The following CD163L1 variants were observed in gnomAD, a reference collection of about 807,000 sequenced individuals.
CD163L1 encodes scavenger receptor cysteine-rich type 1 protein M160.
Under a neutral mutation model 165.4 loss-of-function variants are expected in CD163L1, and 124 were observed. The observed-to-expected ratio is 0.75, with a 90% CI of 0.65 to 0.87. CD163L1 has a LOEUF of 0.87. Ranked by LOEUF, CD163L1 falls within the 40% of genes least tolerant of loss-of-function variation. CD163L1 has a pLI of 0.00. For missense variants in CD163L1, 1,525 were observed against 1,799.9 expected (o/e 0.85, Z 2.76); for synonymous variants, 585 against 662.2 (o/e 0.88, Z 1.79).
the CD163L1 span, among the ~76,000 whole-genome samples, chr12:7,335,045 T>C: frequency 1.3e-5 from 2 of 152,040 alleles, no homozygotes; most frequent in Non-Finnish European, 2.9e-5. Flanking sequence ...AGAATCAATA[T>C]CATGAAAATG....
chr12:7,427,215 T>C (rs952748798), intron 4 of CD163L1, among the ~76,000 whole-genome samples: 1 of 152,104 alleles, frequency 6.6e-6, no homozygotes, highest in African/African-American at 2.4e-5. Flanking sequence ...CAGACATATA[T>C]GTAACATTCC....
intron 2 of CD163L1, among the ~76,000 whole-genome samples, chr12:7,437,126 A>T (rs762334214): frequency 5.6e-4 from 65 of 116,146 alleles, no homozygotes; most frequent in African/African-American, 2.4e-3. Flanking sequence ...ATATATTTTT[A>T]TTTATTTTAT....
intron 4 of CD163L1, among the ~76,000 whole-genome samples, chr12:7,414,721 GC>G (rs2136558650): frequency 6.6e-6 from 1 of 152,132 alleles, no homozygotes; most frequent in East Asian, 1.9e-4. Context: ...CAGAAAACTA[GC>G]CACATGCAAA....
Position 7,403,577 on chromosome 12 carries a change from G to C in CD163L1, c.1366C>G (p.Arg456Gly). 1 of 1,613,814 alleles carries C rather than the reference G, an allele frequency of 6.2e-7. No individual in the cohort carries two copies. The highest frequency in any genetic ancestry group is 8.5e-7 in the Non-Finnish European group (1 of 1,179,892). The change falls in exon 6 of 20, where the codon CGA becomes GGA. Residue 456 changes from arginine to glycine, a missense_variant. Coordinates refer to ENST00000313599, the MANE Select transcript of CD163L1 (RefSeq NM_174941.6). ...GCATCTGATCTTCGGAAGCATGTTC[G>C]CTTTGCTTTTCCATCATATGTGCAG... Reference protein sequence around the residue: ...WDCTYDGKAKRTCFRRSDAGV... With the variant: ...WDCTYDGKAKGTCFRRSDAGV...
In CD163L1 at chr12:7,441,266, C is replaced by T; in HGVS notation, c.32-20G>A. The T allele has an allele frequency of 6.4e-7, 1 of 1,574,390 alleles. No homozygotes were observed. On this transcript the variant is annotated intron_variant, in intron 1 of 19. Coordinates refer to ENST00000313599, the MANE Select transcript of CD163L1 (RefSeq NM_174941.6). ...CAAAATCTGGAGAAACAAAATATAG[C>T]AGGGTAGAATTTCATGTCTTTCTAA... is the stretch of plus-strand genomic sequence containing the variant.
chr12:7,320,940 A>G, the CD163L1 span: 5 of 799,138 alleles, frequency 6.3e-6, no homozygotes, highest in African/African-American at 1.7e-5. Flanking sequence ...GAATAATTCT[A>G]TCGTCGGAGG....
At chr12:7,349,570 G>A (rs1214132584) in intron 4 of CD163L1, among the ~76,000 whole-genome samples, 1 of 152,106 alleles carries the variant, frequency 6.6e-6, no homozygotes, top group Non-Finnish European at 1.5e-5. Context: ...GGGAAAGGTG[G>A]GAGAATGAAA....
At chr12:7,338,657 C>T in the CD163L1 span, among the ~76,000 whole-genome samples, 3 of 152,128 alleles carry the variant, frequency 2.0e-5, no homozygotes, top group Non-Finnish European at 4.4e-5. Context: ...TGGTCTACCC[C>T]GCTGATCTAG....
Position 7,398,503 on chromosome 12 carries a change from C to T in CD163L1, c.1490G>A (p.Trp497Ter). The T allele has an allele frequency of 6.2e-7, 1 of 1,613,854 alleles. No homozygotes were observed. The highest frequency in any genetic ancestry group is 1.3e-5 in the African/African-American group (1 of 75,020). Residue 497 changes from tryptophan (W) to a stop codon, truncating the protein, a stop_gained, in exon 7 of 20, where the codon TGG becomes TAG. Coordinates refer to ENST00000313599, the MANE Select transcript of CD163L1 (RefSeq NM_174941.6). LOFTEE classifies it high-confidence loss of function. The surrounding 1 kb of genome is among the most constrained non-coding windows in gnomAD (Gnocchi z 4.5). The stretch of plus-strand genomic sequence containing the variant: ...CCATCTGTCATGACACACAGTCCCC[C>T]ACTCTCCTTGGTATTTCACCTCCAA... ...GRLEVKYQGE[W>*]GTVCHDRWST...
chr12:7,339,946 A>C, the CD163L1 span, among the ~76,000 whole-genome samples: 22 of 152,272 alleles, frequency 1.4e-4, no homozygotes, highest in African/African-American at 5.1e-4. Context: ...AAACAGCCTG[A>C]GGAGACTGAA....
intron 4 of CD163L1, among the ~76,000 whole-genome samples, chr12:7,349,674 G>A (rs1183622975): frequency 6.6e-6 from 1 of 152,144 alleles, no homozygotes; most frequent in African/African-American, 2.4e-5. Context: ...CTTTGTAAGT[G>A]TATCCTCAGC....
chr12:7,324,465 G>A, the CD163L1 span: 1 of 1,613,924 alleles, frequency 6.2e-7, no homozygotes. Flanking sequence ...TAACTTGGAG[G>A]ATGTGGTGGT....
chr12:7,345,308 T>G (rs1430438148), downstream of CD163L1, among the ~76,000 whole-genome samples: 1 of 152,146 alleles, frequency 6.6e-6, no homozygotes, highest in Non-Finnish European at 1.5e-5. Context: ...GCTTAGAAAT[T>G]TCTTCCACCA....
intron 8 of CD163L1, among the ~76,000 whole-genome samples, chr12:7,388,546 C>A (rs935823646): frequency 6.6e-6 from 1 of 152,016 alleles, no homozygotes; most frequent in African/African-American, 2.4e-5. Flanking sequence ...AGATTGAGAC[C>A]AGCCTGGGCA....
At chr12:7,370,720 CT>C (rs1327643298) in intron 14 of CD163L1, among the ~76,000 whole-genome samples, 1 of 152,108 alleles carries the variant, frequency 6.6e-6, no homozygotes, top group African/African-American at 2.4e-5. Context: ...ACTCTTTTCT[CT>C]CTCTCATAGC....
At chr12:7,319,472 T>C in the CD163L1 span, among the ~76,000 whole-genome samples, 1 of 151,454 alleles carries the variant, frequency 6.6e-6, no homozygotes, top group Non-Finnish European at 1.5e-5. Flanking sequence ...GTGCCTGTAA[T>C]CCCAGCTACT....
chr12:7,373,240 T>C, intron 14 of CD163L1, 80 bp downstream of exon 14: 3 of 1,259,640 alleles, frequency 2.4e-6, no homozygotes, highest in South Asian at 1.5e-5. Context: ...CATGTGCTCC[T>C]GAATGGAAAG....
chr12:7,353,903 G>C (rs779454488), downstream of CD163L1, among the ~76,000 whole-genome samples: 1 of 151,988 alleles, frequency 6.6e-6, no homozygotes, highest in Admixed American at 6.6e-5. Flanking sequence ...AATTGGCTAG[G>C]ATTAAATTTT....
the CD163L1 span, among the ~76,000 whole-genome samples, chr12:7,338,944 C>T: frequency 3.9e-5 from 6 of 152,200 alleles, no homozygotes; most frequent in East Asian, 1.2e-3. Flanking sequence ...GTTTGCTGTG[C>T]TTTTTGTATT....
Sources: allele counts gnomAD v4.1 joint callset (sites outside exome capture counted in the v4.1 genomes callset), GRCh38; gene constraint gnomAD v4.1.1; non-coding constraint Gnocchi (gnomAD v3.1); transcripts MANE v1.5; gene names NCBI Gene and HGNC (gene_info 2026-07-23, HGNC 2026-07-21).